TP63: variants seen among roughly 807,000 people sequenced by gnomAD.
TP63 encodes the protein tumor protein 63.
A neutral mutation model predicts 82.8 loss-of-function variants in TP63; 17 were observed. The ratio of observed to expected loss-of-function variants is 0.21; its 90% CI spans 0.14 to 0.31. TP63 has a LOEUF of 0.31. Among genes scored for constraint, TP63 ranks in the 10% least tolerant of loss-of-function variants. The probability of loss-of-function intolerance (pLI) is 1.00; values close to 1 mark genes in which losing one functional copy is unlikely to be tolerated. For missense variants in TP63, 648 were observed against 895.3 expected, an observed-to-expected ratio of 0.72 and a Z score of 3.52; for synonymous variants, 330 against 321.7, an observed-to-expected ratio of 1.03 and a Z score of -0.28.
intron 10 of TP63, among the ~76,000 whole-genome samples, chr3:189,877,268 TAGAA>T (rs1053353474): frequency 3.9e-5 from 6 of 152,196 alleles, no homozygotes; most frequent in Non-Finnish European, 7.4e-5. Context: ...CAGAATCTAA[TAGAA>T]AGACAAATCG....
intron 3 of TP63, among the ~76,000 whole-genome samples, chr3:189,766,345 G>A (rs1429750977): frequency 6.6e-6 from 1 of 152,102 alleles, no homozygotes; most frequent in Non-Finnish European, 1.5e-5. Flanking sequence ...TTGGATCGGG[G>A]GTGAGCATTG....
At chr3:189,773,702 A>C (rs1444989706) in intron 3 of TP63, among the ~76,000 whole-genome samples, 1 of 152,128 alleles carries the variant, frequency 6.6e-6, no homozygotes, top group Admixed American at 6.5e-5. Flanking sequence ...AATATTGTTT[A>C]ATCATCCTCT....
intron 1 of TP63, chr3:189,645,288 G>C (rs1712311521): frequency 4.6e-6 from 2 of 433,960 alleles, no homozygotes; most frequent in Non-Finnish European, 8.9e-6. Flanking sequence ...CACACCCTTT[G>C]GTCTCTTGAA....
the TP63 span, among the ~76,000 whole-genome samples, chr3:189,623,256 T>C: frequency 1.7e-4 from 26 of 152,316 alleles, no homozygotes; most frequent in Admixed American, 1.7e-3. Context: ...AATTTGTGAA[T>C]CTATGTCTGA....
intron 4 of TP63, among the ~76,000 whole-genome samples, chr3:189,813,680 G>A (rs973962247): frequency 6.6e-6 from 1 of 151,148 alleles, no homozygotes; most frequent in African/African-American, 2.4e-5. Flanking sequence ...ATCACTTTTT[G>A]CTGTTGTATC....
At chr3:189,692,789 C>G (rs1018074367) in intron 1 of TP63, among the ~76,000 whole-genome samples, 1 of 152,114 alleles carries the variant, frequency 6.6e-6, no homozygotes, top group Non-Finnish European at 1.5e-5. Context: ...AAGCTGCTCA[C>G]AGCTATGAGT....
chr3:189,693,873 GA>G (rs927243848), intron 1 of TP63, among the ~76,000 whole-genome samples: 1 of 152,152 alleles, frequency 6.6e-6, no homozygotes, highest in Non-Finnish European at 1.5e-5. Context: ...AGGTCGTTGT[GA>G]AGGTTCAGTG....
At chr3:189,871,272 T>A (rs1456863960) in intron 9 of TP63, among the ~76,000 whole-genome samples, 1 of 152,142 alleles carries the variant, frequency 6.6e-6, no homozygotes, top group Non-Finnish European at 1.5e-5. Flanking sequence ...GTGGCAAATA[T>A]GCTAGACCTT....
chr3:189,754,751 A>G (rs1367491476), intron 3 of TP63, among the ~76,000 whole-genome samples: 3 of 151,954 alleles, frequency 2.0e-5, no homozygotes, highest in South Asian at 2.1e-4. Context: ...AAGCATCTCT[A>G]TTTTCCTTCT....
At chr3:189,665,883 A>G (rs1920277) in intron 1 of TP63, among the ~76,000 whole-genome samples, 61,158 of 151,910 alleles carry the variant, frequency 0.4, 13,531 homozygotes, top group Middle Eastern at 0.64. Context: ...CATAACTTTA[A>G]TTATAGCTTC....
At chr3:189,706,661 CTT>C (rs1429046873) in intron 1 of TP63, among the ~76,000 whole-genome samples, 2 of 152,180 alleles carry the variant, frequency 1.3e-5, no homozygotes, top group Non-Finnish European at 2.9e-5. Flanking sequence ...AGCAGGGAAA[CTT>C]TTTTTCCAAC....
At position 189,631,488 on chromosome 3, in the gene TP63, T is replaced by C. The variant is rs1392052042; in HGVS notation, c.-28T>C. 6.2e-7 allele frequency: 1 copy of C among 1,612,338 alleles called. No homozygotes were observed. The highest frequency in any genetic ancestry group is 2.2e-5 in the East Asian group (1 of 44,824). ...TATATTTTATATAATTGTTCTCCGTTCGTTGATATCAAAGACAGTTGAAGG... is the reference window on the plus strand; with the variant it reads ...TATATTTTATATAATTGTTCTCCGTCCGTTGATATCAAAGACAGTTGAAGG... On this transcript the variant is annotated 5_prime_UTR_variant, in exon 1 of 14. Transcript: ENST00000264731.
chr3:189,806,790 A>C (rs1013708649), intron 3 of TP63, among the ~76,000 whole-genome samples: 2 of 152,246 alleles, frequency 1.3e-5, no homozygotes, highest in African/African-American at 4.8e-5. Context: ...GAATGCATGA[A>C]TGTAATGGAA....
At chr3:189,605,041 G>C in the TP63 span, among the ~76,000 whole-genome samples, 1 of 152,168 alleles carries the variant, frequency 6.6e-6, no homozygotes, top group Non-Finnish European at 1.5e-5. Flanking sequence ...CTCCCACTGA[G>C]GGTCTCAGAG....
chr3:189,743,097 TTAA>T (rs1721119123), intron 3 of TP63, among the ~76,000 whole-genome samples: 1 of 152,020 alleles, frequency 6.6e-6, no homozygotes, highest in Admixed American at 6.5e-5. Flanking sequence ...TAACAAAAGC[TTAA>T]TAACCCCAAT....
At chr3:189,692,867 T>C (rs1560114461) in intron 1 of TP63, among the ~76,000 whole-genome samples, 1 of 152,198 alleles carries the variant, frequency 6.6e-6, no homozygotes, top group Non-Finnish European at 1.5e-5. Flanking sequence ...AGATCTAGCA[T>C]GGATTAAATC....
Position 189,694,790 on chromosome 3 carries a change from C to CTTTTTTTTTTTTTTTTTTTTTTTTTTTTT in TP63, c.63-42945_63-42917dup, listed in dbSNP as rs71175304. Among the ~76,000 whole-genome samples the CTTTTTTTTTTTTTTTTTTTTTTTTTTTTT allele has an allele frequency of 1.2e-4, 4 of 32,730 alleles. 1 individual carries two copies. Among genetic ancestry groups the CTTTTTTTTTTTTTTTTTTTTTTTTTTTTT allele is most frequent in the African/African-American group, 2.2e-4 (2 of 8,934 alleles). The allele number at this position is 32,730 out of a possible 152,430, so 21.5% of individuals were successfully genotyped here. On this transcript the variant is annotated intron_variant, in intron 1 of 13. Coordinates refer to ENST00000264731, the MANE Select transcript of TP63 (RefSeq NM_003722.5). Reference sequence around the variant, plus strand: ...TTGAAAGGAGGCCAGTATTTACAGCCTTTTTTTTTTTTTTTTTTTTTTTTT... The same window carrying CTTTTTTTTTTTTTTTTTTTTTTTTTTTTT: ...TTGAAAGGAGGCCAGTATTTACAGCCTTTTTTTTTTTTTTTTTTTTTTTTTTTTTTTTTTTTTTTTTTTTTTTTTTTTTT...
In TP63 at chr3:189,866,716, A is replaced by G; in HGVS notation, c.801A>G (p.Val267=). ...CCCCTCCTAGTCATTTGATTCGAGT[A>G]GAGGGGAACAGCCATGCCCAGTATG... The part of the protein sequence containing the change: ...QIAPPSHLIR[V]EGNSHAQYVE... Residue 267 remains valine, a synonymous_variant, in exon 6 of 14, where the codon GTA becomes GTG. Transcript: ENST00000264731. The G allele has an allele frequency of 6.2e-7, 1 of 1,614,066 alleles. No individual in the cohort carries two copies. Among genetic ancestry groups the G allele is most frequent in the Non-Finnish European group, 8.5e-7 (1 of 1,179,988 alleles).
chr3:189,828,438 A>G (rs910134417), intron 4 of TP63, among the ~76,000 whole-genome samples: 1 of 152,146 alleles, frequency 6.6e-6, no homozygotes, highest in African/African-American at 2.4e-5. Context: ...TACTTCTTAT[A>G]AGGACTGTAC....
Sources: allele counts gnomAD v4.1 joint callset (sites outside exome capture counted in the v4.1 genomes callset), GRCh38; gene constraint gnomAD v4.1.1; transcripts MANE v1.5; gene names NCBI Gene and HGNC (gene_info 2026-07-23, HGNC 2026-07-21).